Variants in PEAK1 observed in about 807,000 individuals in gnomAD.
PEAK1 encodes the protein inactive tyrosine-protein kinase PEAK1.
A neutral mutation model predicts 124.7 loss-of-function variants in PEAK1; 54 were observed. The observed-to-expected ratio is 0.43, with a 90% CI of 0.35 to 0.54. The LOEUF (loss-of-function observed/expected upper bound fraction) is 0.54, where lower values mean the gene tolerates loss of function less well. PEAK1 is among the 20% of genes least tolerant of loss of function. The probability of loss-of-function intolerance (pLI) is 0.01; values close to 1 mark genes in which losing one functional copy is unlikely to be tolerated. For missense variants in PEAK1, 2,046 were observed against 2,134.5 expected, an observed-to-expected ratio of 0.96 and a Z score of 0.82; for synonymous variants, 719 against 760.0, an observed-to-expected ratio of 0.95 and a Z score of 0.89.
At chr15:77,354,703 T>C (rs1369594705) in intron 2 of PEAK1, among the ~76,000 whole-genome samples, 6 of 152,172 alleles carry the variant, frequency 3.9e-5, no homozygotes, top group Non-Finnish European at 8.8e-5. Context: ...TCTCTTGTTA[T>C]GAATACTAAG....
At chr15:77,212,996 T>C (rs189893302) in intron 6 of PEAK1, among the ~76,000 whole-genome samples, 7 of 152,184 alleles carry the variant, frequency 4.6e-5, no homozygotes, top group African/African-American at 1.7e-4. Context: ...AAGGAACACA[T>C]AAGCTTGAAA....
rs937092232 is a variant in PEAK1 at position 77,114,084 on chromosome 15, C to T, written c.*72G>A. On this transcript the variant is annotated 3_prime_UTR_variant, in exon 10 of 10. Transcript: ENST00000682557. ...CTTCTTTCCTTGAATTTGGAGTGAG[C>T]ACTAGGGAGGGGAAGTGCATGGGTG... 2.2e-5 allele frequency: 33 copies of T among 1,483,760 alleles called. No homozygotes were observed. Among genetic ancestry groups the T allele is most frequent in the Non-Finnish European group, 3.1e-5 (33 of 1,076,928 alleles). The allele number at this position is 1,483,760 out of a possible 1,614,324, so 91.9% of individuals were successfully genotyped here.
At chr15:77,257,342 A>G (rs1311303513) in intron 5 of PEAK1, among the ~76,000 whole-genome samples, 1 of 150,624 alleles carries the variant, frequency 6.6e-6, no homozygotes, top group Non-Finnish European at 1.5e-5. Flanking sequence ...CAGTCCCACC[A>G]ACAGTGTAAA....
At chr15:77,190,489 A>G (rs1232173768) in intron 6 of PEAK1, among the ~76,000 whole-genome samples, 1 of 152,214 alleles carries the variant, frequency 6.6e-6, no homozygotes, top group Non-Finnish European at 1.5e-5. Context: ...TGAATATTAA[A>G]CTGAAAGTAA....
At position 77,265,441 on chromosome 15, in the gene PEAK1, C is replaced by T. The variant is rs560836149; in HGVS notation, c.-274-12915G>A. Among the ~76,000 whole-genome samples the T allele has an allele frequency of 3.9e-3, 592 of 152,178 alleles. 3 individuals carry two copies. The highest frequency in any genetic ancestry group is 6.4e-3 in the Non-Finnish European group (436 of 68,008). On this transcript the variant is annotated intron_variant, in intron 5 of 9. Coordinates refer to ENST00000682557, the MANE Select transcript of PEAK1 (RefSeq NM_001385026.1). The stretch of plus-strand genomic sequence containing the variant: ...ACAAACAACCCCATCAAAAAGTGGG[C>T]GAAGGACATGAACAGACACTTCTCA...
chr15:77,308,769 T>C (rs192704749), intron 2 of PEAK1, among the ~76,000 whole-genome samples: 2 of 152,110 alleles, frequency 1.3e-5, no homozygotes, highest in Non-Finnish European at 2.9e-5. Flanking sequence ...CTTGCTAATG[T>C]TGCACAAGGA....
intron 7 of PEAK1, among the ~76,000 whole-genome samples, chr15:77,172,540 A>C (rs979527964): frequency 6.6e-6 from 1 of 152,192 alleles, no homozygotes; most frequent in Non-Finnish European, 1.5e-5. Context: ...CTCAGATTTG[A>C]ATAACCACAG....
chr15:77,258,391 C>T (rs950139318), intron 5 of PEAK1, among the ~76,000 whole-genome samples: 2 of 152,154 alleles, frequency 1.3e-5, no homozygotes, highest in African/African-American at 4.8e-5. Flanking sequence ...TTGGTATCCT[C>T]TTTTATTTCA....
intron 6 of PEAK1, among the ~76,000 whole-genome samples, chr15:77,238,935 T>G (rs2060241034): frequency 6.6e-6 from 1 of 152,148 alleles, no homozygotes; most frequent in Non-Finnish European, 1.5e-5. Context: ...CTACACATAT[T>G]TTAGATTATA....
intron 5 of PEAK1, among the ~76,000 whole-genome samples, chr15:77,265,073 T>A (rs1206793520): frequency 6.6e-6 from 1 of 152,108 alleles, no homozygotes; most frequent in Non-Finnish European, 1.5e-5. Context: ...TGAAACTGGA[T>A]CCCTTCCTTA....
chr15:77,412,009 T>C (rs1231574262), intron 1 of PEAK1, among the ~76,000 whole-genome samples: 1 of 152,248 alleles, frequency 6.6e-6, no homozygotes, highest in Non-Finnish European at 1.5e-5. Flanking sequence ...GGAGTGATGT[T>C]AACCCCAAAC....
chr15:77,229,380 C>G (rs2059808784), intron 6 of PEAK1, among the ~76,000 whole-genome samples: 1 of 152,146 alleles, frequency 6.6e-6, no homozygotes, highest in Non-Finnish European at 1.5e-5. Context: ...CTGTATCATT[C>G]ATAAAATGGC....
chr15:77,200,105 C>T (rs1209056786), intron 6 of PEAK1, among the ~76,000 whole-genome samples: 1 of 152,164 alleles, frequency 6.6e-6, no homozygotes, highest in Non-Finnish European at 1.5e-5. Flanking sequence ...CCTCTGTCAC[C>T]CTTGAGATAG....
chr15:77,189,354 C>T (rs565420172), intron 6 of PEAK1, among the ~76,000 whole-genome samples: 7 of 152,100 alleles, frequency 4.6e-5, no homozygotes, highest in Admixed American at 3.9e-4. Flanking sequence ...CATGCATGCA[C>T]GTATGCATGC....
intron 2 of PEAK1, among the ~76,000 whole-genome samples, chr15:77,332,720 A>C (rs2065966687): frequency 6.6e-6 from 1 of 152,160 alleles, no homozygotes; most frequent in Non-Finnish European, 1.5e-5. Context: ...TAAAAGCTTT[A>C]CCAATCTGGT....
At chr15:77,400,328 A>C (rs2071264013) in intron 1 of PEAK1, among the ~76,000 whole-genome samples, 2 of 152,184 alleles carry the variant, frequency 1.3e-5, no homozygotes, top group Non-Finnish European at 2.9e-5. Context: ...CCCATAACAA[A>C]GGAAATCAGT....
chr15:77,238,422 T>C (rs1213201191), intron 6 of PEAK1, among the ~76,000 whole-genome samples: 1 of 152,184 alleles, frequency 6.6e-6, no homozygotes, highest in African/African-American at 2.4e-5. Flanking sequence ...TTTTGATGAA[T>C]GCAGTGTCAT....
At chr15:77,397,168 T>C (rs1161167530) in intron 1 of PEAK1, among the ~76,000 whole-genome samples, 1 of 152,160 alleles carries the variant, frequency 6.6e-6, no homozygotes, top group Non-Finnish European at 1.5e-5. Context: ...TTTTGTAAAC[T>C]ATATAAACAC....
intron 5 of PEAK1, among the ~76,000 whole-genome samples, chr15:77,259,665 T>C (rs1349770457): frequency 6.6e-6 from 1 of 152,128 alleles, no homozygotes; most frequent in Non-Finnish European, 1.5e-5. Context: ...CCTCTCACCA[T>C]AAACAATTAG....
Sources: allele counts gnomAD v4.1 joint callset (sites outside exome capture counted in the v4.1 genomes callset), GRCh38; gene constraint gnomAD v4.1.1; transcripts MANE v1.5; gene names NCBI Gene and HGNC (gene_info 2026-07-23, HGNC 2026-07-21).